The following SOX5 variants were observed in gnomAD, a reference collection of about 807,000 sequenced individuals.
SOX5 encodes the protein SRY-box transcription factor 5.
In SOX5, 9 loss-of-function variants were observed where a neutral mutation model predicts 92.0. That is an observed-to-expected ratio of 0.10 (90% confidence interval 0.06 to 0.17). The LOEUF (loss-of-function observed/expected upper bound fraction) is 0.17. SOX5 is among the 10% of genes least tolerant of loss of function. The pLI is 1.00. For missense variants in SOX5, 642 were observed against 944.5 expected, an observed-to-expected ratio of 0.68 and a Z score of 4.20; for synonymous variants, 344 against 336.3, an observed-to-expected ratio of 1.02 and a Z score of -0.25.
chr12:23,614,710 T>C (rs1389246450), intron 8 of SOX5, among the ~76,000 whole-genome samples: 2 of 152,232 alleles, frequency 1.3e-5, no homozygotes, highest in African/African-American at 4.8e-5. Flanking sequence ...TATCTTCATG[T>C]TTACCTTCTA....
chr12:24,392,832 C>T (rs889361885), intron 1 of SOX5, among the ~76,000 whole-genome samples: 1 of 152,018 alleles, frequency 6.6e-6, no homozygotes, highest in African/African-American at 2.4e-5. Context: ...ACATCTAAGA[C>T]TATAACTTAT....
chr12:23,940,106 C>T (rs1033748852), intron 1 of SOX5, among the ~76,000 whole-genome samples: 3 of 151,102 alleles, frequency 2.0e-5, no homozygotes, highest in African/African-American at 4.8e-5. Flanking sequence ...AAGTGCCACT[C>T]GTATGCTTTT....
chr12:23,538,346 C>A (rs933051193), intron 13 of SOX5, among the ~76,000 whole-genome samples: 1 of 152,128 alleles, frequency 6.6e-6, no homozygotes, highest in Non-Finnish European at 1.5e-5. Context: ...TCTAGAAAGC[C>A]AATGTGAATT....
At chr12:24,399,542 C>T (rs1960985125) in intron 1 of SOX5, among the ~76,000 whole-genome samples, 1 of 152,132 alleles carries the variant, frequency 6.6e-6, no homozygotes, top group Non-Finnish European at 1.5e-5. Flanking sequence ...TCTAGAAGCA[C>T]AAAGATCTTT....
intron 2 of SOX5, among the ~76,000 whole-genome samples, chr12:23,848,995 A>G (rs189616500): frequency 6.6e-6 from 1 of 152,220 alleles, no homozygotes; most frequent in Non-Finnish European, 1.5e-5. Context: ...CCTCATTAAA[A>G]TATCTTTTTA....
At chr12:23,583,660 A>G (rs1395169997) in intron 9 of SOX5, among the ~76,000 whole-genome samples, 3 of 152,150 alleles carry the variant, frequency 2.0e-5, no homozygotes, top group Non-Finnish European at 4.4e-5. Context: ...AAAAGGAAGC[A>G]TAGAGCAGTA....
chr12:23,809,593 TTA>T (rs1182661738), intron 3 of SOX5, among the ~76,000 whole-genome samples: 1 of 146,514 alleles, frequency 6.8e-6, no homozygotes, highest in African/African-American at 2.5e-5. Context: ...AATCATCTAT[TTA>T]GTTTTTGAAA....
At chr12:24,402,205 GTGTTAAATAGCACAAT>G (rs1430979261) in intron 1 of SOX5, among the ~76,000 whole-genome samples, 3 of 152,148 alleles carry the variant, frequency 2.0e-5, no homozygotes, top group Non-Finnish European at 4.4e-5. Flanking sequence ...AACTGCAGCA[GTGTTAAATAGCACAAT>G]TTACCTGGAA....
intron 4 of SOX5, among the ~76,000 whole-genome samples, chr12:24,015,670 C>A (rs931116898): frequency 6.6e-6 from 1 of 152,024 alleles, no homozygotes; most frequent in Non-Finnish European, 1.5e-5. Flanking sequence ...AGTAGCAGGG[C>A]CCAGGAAGGT....
intron 4 of SOX5, among the ~76,000 whole-genome samples, chr12:23,968,389 C>T (rs1947832762): frequency 6.6e-6 from 1 of 152,200 alleles, no homozygotes; most frequent in Non-Finnish European, 1.5e-5. Context: ...CCAAAGTTCA[C>T]ATGTTGGAAA....
intron 10 of SOX5, among the ~76,000 whole-genome samples, chr12:23,573,120 CAT>C (rs1003529154): frequency 6.6e-6 from 1 of 152,082 alleles, no homozygotes; most frequent in African/African-American, 2.4e-5. Context: ...CATATCTATA[CAT>C]GTCTTTTGCA....
intron 4 of SOX5, among the ~76,000 whole-genome samples, chr12:24,090,784 A>G (rs955450888): frequency 3.3e-5 from 5 of 152,190 alleles, no homozygotes; most frequent in Non-Finnish European, 5.9e-5. Context: ...AAATCCTGAG[A>G]TAATGGGGAA....
chr12:23,785,612 AACTC>A (rs1333748191), intron 3 of SOX5, among the ~76,000 whole-genome samples: 29 of 152,300 alleles, frequency 1.9e-4, no homozygotes, highest in Admixed American at 9.1e-4. Context: ...ATCAATTCTA[AACTC>A]ACTCACTAGG....
chr12:24,196,042 G>A (rs1231021170), intron 4 of SOX5, among the ~76,000 whole-genome samples: 7 of 152,128 alleles, frequency 4.6e-5, no homozygotes, highest in Non-Finnish European at 7.4e-5. Context: ...GCGCCACCAC[G>A]CCTAGCTAAT....
intron 1 of SOX5, among the ~76,000 whole-genome samples, chr12:24,451,582 A>T (rs931380183): frequency 2.0e-5 from 3 of 152,112 alleles, no homozygotes; most frequent in Non-Finnish European, 2.9e-5. Context: ...TCATCTTTTT[A>T]AAAAAATGAA....
At chr12:23,611,369 CGTGTGTGTGTGTGTGT>C (rs3030241) in intron 8 of SOX5, among the ~76,000 whole-genome samples, 5 of 136,994 alleles carry the variant, frequency 3.6e-5, no homozygotes, top group African/African-American at 1.3e-4. Context: ...TGTGTGTGTG[CGTGTGTGTGTGTGTGT>C]GTGTGTGTGT....
intron 6 of SOX5, among the ~76,000 whole-genome samples, chr12:23,704,210 G>A (rs182233977): frequency 2.4e-4 from 37 of 151,728 alleles, no homozygotes; most frequent in Admixed American, 5.3e-4. Flanking sequence ...TCTTAAAGAT[G>A]CTTTCATTTA....
chr12:24,376,182 G>A (rs563142180), intron 1 of SOX5, among the ~76,000 whole-genome samples: 1 of 152,296 alleles, frequency 6.6e-6, no homozygotes, highest in South Asian at 2.1e-4. Context: ...TAAAATGTGC[G>A]TCATTGCTCC....
chr12:24,546,560 C>G (rs1200724940), intron 1 of SOX5, among the ~76,000 whole-genome samples: 8 of 152,204 alleles, frequency 5.3e-5, no homozygotes. Flanking sequence ...CCATGCCTTT[C>G]CACTCAGGTT....
Sources: allele counts gnomAD v4.1 joint callset (sites outside exome capture counted in the v4.1 genomes callset), GRCh38; gene constraint gnomAD v4.1.1; transcripts MANE v1.5; gene names NCBI Gene and HGNC (gene_info 2026-07-23, HGNC 2026-07-21).